The following MTHFD1 variants were observed in gnomAD, a reference collection of about 807,000 sequenced individuals.
MTHFD1 encodes the protein methylenetetrahydrofolate dehydrogenase, cyclohydrolase and formyltetrahydrofolate synthetase 1.
In MTHFD1, 44 loss-of-function variants were observed where a neutral mutation model predicts 110.3. The observed-to-expected ratio is 0.40, with a 90% CI of 0.31 to 0.51. The LOEUF (loss-of-function observed/expected upper bound fraction) is 0.51. Ranked by LOEUF, MTHFD1 falls within the 20% of genes least tolerant of loss-of-function variation. MTHFD1 has a pLI of 0.60. For synonymous variants in MTHFD1, 402 were observed against 428.8 expected (o/e 0.94, Z 0.77); for missense variants, 909 against 1,173.1 (o/e 0.77, Z 3.29).
intron 15 of MTHFD1, among the ~76,000 whole-genome samples, chr14:64,434,843 A>G (rs2078191216): frequency 6.8e-6 from 1 of 147,514 alleles, no homozygotes; most frequent in African/African-American, 2.5e-5. Flanking sequence ...TTTTTGAGAC[A>G]GGGTCTTGCT....
chr14:64,459,169 C>T (rs1281753825), intron 27 of MTHFD1, among the ~76,000 whole-genome samples: 6 of 152,164 alleles, frequency 3.9e-5, no homozygotes, highest in East Asian at 1.9e-4. Context: ...AAGGGTTTGC[C>T]ACCCCACATC....
Position 64,424,807 on chromosome 14 carries a change from A to G in MTHFD1, c.731A>G (p.Asp244Gly). 6.2e-7 allele frequency: 1 copy of G among 1,614,034 alleles called. No homozygotes were observed. The highest frequency in any genetic ancestry group is 8.5e-7 in the Non-Finnish European group (1 of 1,180,018). The change falls in exon 9 of 28, where the codon GAT becomes GGT. Residue 244 changes from aspartate (D) to glycine (G), a missense_variant. By Grantham distance (94) the Asp-to-Gly change is moderately conservative. Transcript: ENST00000652337. ...IDCGINYVPD[D>G]KKPNGRKVVG... ...GATTTCTCCCCCACTTGACCAGATG[A>G]TAAAAAACCAAATGGGAGAAAAGTT...
intron 24 of MTHFD1, among the ~76,000 whole-genome samples, chr14:64,451,824 G>A (rs2078377203): frequency 6.6e-6 from 1 of 152,292 alleles, no homozygotes; most frequent in East Asian, 1.9e-4. Context: ...AATGTGCCTT[G>A]GCATTTATAG....
At chr14:64,439,959 T>A (rs933292642) in intron 17 of MTHFD1, among the ~76,000 whole-genome samples, 167 bp from the exon 18 acceptor site, 4 of 152,184 alleles carry the variant, frequency 2.6e-5, no homozygotes, top group Non-Finnish European at 1.5e-5. Context: ...AATATATTTT[T>A]TTGCTATTAG....
At chr14:64,450,226 G>C (rs1172959674) in intron 24 of MTHFD1, among the ~76,000 whole-genome samples, 1 of 152,208 alleles carries the variant, frequency 6.6e-6, no homozygotes, top group South Asian at 2.1e-4. Context: ...AGAAGAGAAG[G>C]TTACATATAG....
At chr14:64,437,729 C>T (rs1319385814) in intron 16 of MTHFD1, among the ~76,000 whole-genome samples, 1 of 152,188 alleles carries the variant, frequency 6.6e-6, no homozygotes, top group Admixed American at 6.5e-5. Flanking sequence ...GCTCACAGAA[C>T]TCAGAGAAGC....
In MTHFD1 at chr14:64,431,798, T is replaced by C; in HGVS notation, c.1431T>C (p.Asn477=). 1 of 1,614,200 alleles carries C rather than the reference T, an allele frequency of 6.2e-7. No homozygotes were observed. Among genetic ancestry groups the C allele is most frequent in the Non-Finnish European group, 8.5e-7 (1 of 1,180,018 alleles). ...ELTQTDKALF[N]RLVPSVNGVR... The stretch of plus-strand genomic sequence containing the variant: ...TTCTTTTCTTTAAGGCTCTCTTTAA[T>C]CGTTTGGTGCCATCAGTAAATGGAG... The change falls in exon 15 of 28, where the codon AAT becomes AAC. Residue 477 remains asparagine (N), a synonymous_variant. Transcript: ENST00000652337.
intron 22 of MTHFD1, 70 bp downstream of exon 22, chr14:64,444,804 GC>G: frequency 6.4e-7 from 1 of 1,559,548 alleles, no homozygotes; most frequent in Non-Finnish European, 8.8e-7. Context: ...TCTCCACCTG[GC>G]CCATGTGGAA....
At position 64,424,898 on chromosome 14, in the gene MTHFD1, C is replaced by T. The variant is rs773248875; in HGVS notation, c.822C>T (p.Gly274=). Residue 274 remains glycine, a synonymous_variant, in exon 9 of 28, where the codon GGC becomes GGT. Coordinates refer to ENST00000652337, the MANE Select transcript of MTHFD1 (RefSeq NM_005956.4). ...GCTTCATCACTCCTGTTCCTGGCGG[C>T]GTAGGGCCCATGACAGTTGCAATGC... ...RASFITPVPG[G]VGPMTVAMLM... 51 of 1,614,038 alleles carry T rather than the reference C, an allele frequency of 3.2e-5. No homozygotes were observed. Among genetic ancestry groups the T allele is most frequent in the Non-Finnish European group, 3.9e-5 (46 of 1,180,036 alleles).
intron 22 of MTHFD1, 162 bp downstream of exon 22, chr14:64,444,896 G>A (rs2078278559): frequency 4.1e-6 from 3 of 723,392 alleles, no homozygotes; most frequent in Non-Finnish European, 7.4e-6. Flanking sequence ...TAAATGAGTA[G>A]ATAGGGAAGA....
At chr14:64,448,492 CCACT>C (rs2078314872) in intron 23 of MTHFD1, 175 bp downstream of exon 23, 3 of 639,770 alleles carry the variant, frequency 4.7e-6, no homozygotes, top group Non-Finnish European at 8.5e-6. Flanking sequence ...ACCACCTCAC[CCACT>C]GAGGGTCCCA....
chr14:64,427,382 C>T lies in MTHFD1; in HGVS notation c.1173C>T (p.Ile391=), dbSNP rs774179678. ...GAGAAGGGAAAAGCACAACTACAATCGGGCTAGTGCAAGCCCTTGGTGCCC... is the reference window on the plus strand; with the variant it reads ...GAGAAGGGAAAAGCACAACTACAATTGGGCTAGTGCAAGCCCTTGGTGCCC... The part of the protein sequence containing the change: ...PLGEGKSTTT[I]GLVQALGAHL... Residue 391 remains isoleucine (I), a synonymous_variant, in exon 12 of 28, where the codon ATC becomes ATT. Transcript: ENST00000652337. The T allele has an allele frequency of 2.0e-5, 33 of 1,614,044 alleles. No individual in the cohort carries two copies. In the East Asian group the frequency reaches 2.9e-4, roughly 14 times the overall value.
chr14:64,415,078 T>C lies in MTHFD1; in HGVS notation c.241-280T>C, dbSNP rs558272936. ...TTGAACTCCTGGGTTCAAGTAATCC[T>C]CCTGACTTGGCCTCCCAAAGTGCTG... On this transcript the variant is annotated intron_variant, in intron 4 of 27. Transcript: ENST00000652337. Among the ~76,000 whole-genome samples the C allele has an allele frequency of 9.2e-5, 14 of 151,566 alleles. 1 individual carries two copies. The South Asian group carries it at 2.9e-3, about 32-fold the overall frequency.
intron 6 of MTHFD1, among the ~76,000 whole-genome samples, chr14:64,416,559 A>G (rs1371647677): frequency 6.6e-6 from 1 of 152,118 alleles, no homozygotes; most frequent in Non-Finnish European, 1.5e-5. Flanking sequence ...TTTTAATTTC[A>G]TTATGAATAC....
In MTHFD1 at chr14:64,415,440, C is replaced by T; in HGVS notation, c.323C>T (p.Ser108Phe). The T allele has an allele frequency of 6.2e-7, 1 of 1,613,698 alleles. No individual in the cohort carries two copies. Among genetic ancestry groups the T allele is most frequent in the South Asian group, 1.1e-5 (1 of 91,068 alleles). ...LVQLPLDSEN[S>F]INTEEVINAI... ...CAGCTACCTTTAGATTCAGAGAATT[C>T]CATTAACACTGAAGAAGTGATCAAT... Residue 108 changes from serine (S) to phenylalanine (F), a missense_variant, in exon 5 of 28, where the codon TCC becomes TTC. Ser to Phe is a radical substitution (Grantham distance 155). Around this residue, in one of 3 missense-constraint regions of MTHFD1, gnomAD observed 424 missense variants for 510.4 expected, o/e 0.83. Coordinates refer to ENST00000652337, the MANE Select transcript of MTHFD1 (RefSeq NM_005956.4).
At chr14:64,459,027 G>C (rs1294841904) in intron 27 of MTHFD1, among the ~76,000 whole-genome samples, 2 of 152,124 alleles carry the variant, frequency 1.3e-5, no homozygotes, top group Non-Finnish European at 1.5e-5. Context: ...ATGAGAACTA[G>C]ACTTAACGCC....
At chr14:64,449,389 C>T (rs1315703109) in intron 23 of MTHFD1, 56 bp from the exon 24 acceptor site, 5 of 1,582,904 alleles carry the variant, frequency 3.2e-6, no homozygotes, top group Admixed American at 1.7e-5. Context: ...AAAAAGAAGA[C>T]AATTCTGTCT....
intron 16 of MTHFD1, 46 bp from the exon 17 acceptor site, chr14:64,439,050 G>A (rs764809795): frequency 1.5e-6 from 2 of 1,372,646 alleles, no homozygotes; most frequent in Admixed American, 1.7e-5. Context: ...TTAACTTTGT[G>A]GTCCTTTTAC....
At position 64,417,725 on chromosome 14, in the gene MTHFD1, C is replaced by T. The variant is rs1172461801; in HGVS notation, c.479-163C>T. Among the ~76,000 whole-genome samples, 1 of 152,172 alleles carries T rather than the reference C, an allele frequency of 6.6e-6. No homozygotes were observed. Among genetic ancestry groups the T allele is most frequent in the Non-Finnish European group, 1.5e-5 (1 of 68,020 alleles). ...CAAGTCCCAATTTATAGCTGAAACC[C>T]TAGAGTTGAGAATATTATTGCCAAA... On this transcript the variant is annotated intron_variant, in intron 6 of 27. Coordinates refer to ENST00000652337, the MANE Select transcript of MTHFD1 (RefSeq NM_005956.4). This position sits in a 1 kb window ranked among gnomAD's most constrained non-coding sequence, Gnocchi z 4.4.
Sources: allele counts gnomAD v4.1 joint callset (sites outside exome capture counted in the v4.1 genomes callset), GRCh38; gene constraint gnomAD v4.1.1; regional missense constraint gnomAD v4.1.1; non-coding constraint Gnocchi (gnomAD v3.1); transcripts MANE v1.5; gene names NCBI Gene and HGNC (gene_info 2026-07-23, HGNC 2026-07-21).